The following UGT3A1 variants were observed in gnomAD, a reference collection of about 807,000 sequenced individuals.
The protein encoded by UGT3A1 is UDP glycosyltransferase family 3 member A1.
A neutral mutation model predicts 37.6 loss-of-function variants in UGT3A1; 40 were observed. That is an observed-to-expected ratio of 1.06 (90% CI 0.83 to 1.38). The LOEUF is 1.38. Among genes scored for constraint, UGT3A1 ranks in the 40% most tolerant of loss-of-function variants. The probability of loss-of-function intolerance (pLI) is 0.00; values close to 1 mark genes in which losing one functional copy is unlikely to be tolerated. For synonymous variants in UGT3A1, 256 were observed against 232.3 expected (o/e 1.10, Z -0.93); for missense variants, 642 against 634.2 (o/e 1.01, Z -0.13).
chr5:35,956,304 T>C (rs1176129169), intron 5 of UGT3A1, among the ~76,000 whole-genome samples: 1 of 152,256 alleles, frequency 6.6e-6, no homozygotes, highest in Non-Finnish European at 1.5e-5. Context: ...TTCTAGTTCC[T>C]GTCTGCCTGT....
At chr5:35,985,488 C>T (rs780272296) in intron 2 of UGT3A1, among the ~76,000 whole-genome samples, 32 of 152,066 alleles carry the variant, frequency 2.1e-4, no homozygotes, top group Non-Finnish European at 2.4e-4. Flanking sequence ...CAAATCAGCA[C>T]GGTACTGGCA....
At chr5:35,991,799 C>G (rs1309287779), upstream of UGT3A1, among the ~76,000 whole-genome samples, 1 of 152,190 alleles carries the variant, frequency 6.6e-6, no homozygotes, top group African/African-American at 2.4e-5. Context: ...GGAAACTGAT[C>G]TACCCTCTCT....
At chr5:35,977,016 AAG>A (rs993879322) in intron 2 of UGT3A1, among the ~76,000 whole-genome samples, 18 of 145,666 alleles carry the variant, frequency 1.2e-4, no homozygotes, top group African/African-American at 2.7e-4. Context: ...AAGAAAGAAA[AAG>A]AGAGAGAAAG....
intron 6 of UGT3A1, chr5:35,955,225 C>A: frequency 4.0e-6 from 1 of 252,848 alleles, no homozygotes. Flanking sequence ...GAGAAGAGAC[C>A]CAAATGTCAT....
At chr5:35,957,914 C>T (rs1044568199) in intron 4 of UGT3A1, among the ~76,000 whole-genome samples, 1 of 152,102 alleles carries the variant, frequency 6.6e-6, no homozygotes, top group Non-Finnish European at 1.5e-5. Context: ...CAAGATAACT[C>T]TTTCTTTATT....
At chr5:35,954,780 G>A (rs1293429788) in intron 6 of UGT3A1, 2 of 377,728 alleles carry the variant, frequency 5.3e-6, no homozygotes, top group African/African-American at 2.0e-5. Context: ...GTATACTAAA[G>A]GAAAAAATAT....
intron 2 of UGT3A1, among the ~76,000 whole-genome samples, chr5:35,971,236 G>A (rs1410226340): frequency 6.6e-6 from 1 of 151,918 alleles, no homozygotes; most frequent in Admixed American, 6.6e-5. Flanking sequence ...ACATACACAG[G>A]GTGCGCTTAT....
chr5:35,968,632 C>T (rs1467991875), intron 2 of UGT3A1, among the ~76,000 whole-genome samples: 1 of 151,896 alleles, frequency 6.6e-6, no homozygotes, highest in African/African-American at 2.4e-5. Context: ...AATGGTAGTC[C>T]CCTTCATTCT....
chr5:35,990,047 G>C (rs1047399990), intron 1 of UGT3A1, among the ~76,000 whole-genome samples: 4 of 151,180 alleles, frequency 2.6e-5, no homozygotes, highest in Non-Finnish European at 5.9e-5. Context: ...AGTTGAGATG[G>C]CGCCACTGCA....
At chr5:35,962,834 T>C (rs1409266456) in intron 4 of UGT3A1, 2 of 699,346 alleles carry the variant, frequency 2.9e-6, no homozygotes, top group Non-Finnish European at 5.2e-6. Context: ...TGGTTCAGGA[T>C]ACACAGGCTA....
chr5:35,968,160 G>A (rs1157940759), intron 2 of UGT3A1, 27 bp from the exon 3 acceptor site: 6 of 1,387,910 alleles, frequency 4.3e-6, no homozygotes, highest in African/African-American at 2.9e-5. Flanking sequence ...TGGTTAAAAA[G>A]GTAAATATAT....
Position 35,955,759 on chromosome 5 carries a change from T to C in UGT3A1, c.1181A>G (p.Gln394Arg). ...PMVGLPVNGD[Q>R]HGNMVRVVAK... ...TACTACTCGGACCATGTTTCCATGC[T>C]GGTCTCCATTGACTGGTAATCCCAC... is the stretch of plus-strand genomic sequence containing the variant. Residue 394 changes from glutamine to arginine, a missense_variant, in exon 6 of 7, where the codon CAG becomes CGG. Physicochemically the swap from Gln to Arg is conservative, Grantham distance 43. Coordinates refer to ENST00000274278, the MANE Select transcript of UGT3A1 (RefSeq NM_152404.4). 1.1e-5 allele frequency: 17 copies of C among 1,614,210 alleles called. No individual in the cohort carries two copies. The highest frequency in any genetic ancestry group is 1.4e-5 in the Non-Finnish European group (17 of 1,180,028).
upstream of UGT3A1, among the ~76,000 whole-genome samples, chr5:35,994,963 C>G (rs12522806): frequency 4.3e-3 from 649 of 152,148 alleles, 26 homozygotes; most frequent in Admixed American, 0.038. Context: ...TTTGATATGC[C>G]CAAATTAGTG....
At chr5:35,984,374 C>A (rs1256340832) in intron 2 of UGT3A1, among the ~76,000 whole-genome samples, 3 of 151,966 alleles carry the variant, frequency 2.0e-5, no homozygotes, top group Non-Finnish European at 4.4e-5. Flanking sequence ...CTGTATTGCT[C>A]GGTATTTAGC....
intron 1 of UGT3A1, among the ~76,000 whole-genome samples, chr5:35,998,262 A>T (rs1366674572): frequency 6.6e-6 from 1 of 152,212 alleles, no homozygotes; most frequent in Admixed American, 6.5e-5. Context: ...ACCCAGAAAC[A>T]TGGTGATTAT....
intron 4 of UGT3A1, chr5:35,961,855 TG>T (rs1260170588): frequency 6.6e-6 from 1 of 152,230 alleles, no homozygotes; most frequent in Admixed American, 6.5e-5. Flanking sequence ...TACGGGGGTA[TG>T]CTTTACCAAG....
rs903725108 is a variant in UGT3A1 at position 36,000,054 on chromosome 5, A to C, written c.-160+914T>G. The stretch of plus-strand genomic sequence containing the variant: ...ATATGTTAACATTTCCATTGTGTCT[A>C]CCATCCCTGGTCCTCAGGCCTGGTG... On this transcript the variant is annotated intron_variant, in intron 1 of 5. Transcript: ENST00000625798. Among the ~76,000 whole-genome samples the C allele has an allele frequency of 7.2e-5, 11 of 152,306 alleles. No individual in the cohort carries two copies. The East Asian group carries it at 2.1e-3, about 29-fold the overall frequency.
At chr5:35,964,025 G>C (rs972946051) in intron 4 of UGT3A1, among the ~76,000 whole-genome samples, 1 of 152,174 alleles carries the variant, frequency 6.6e-6, no homozygotes, top group African/African-American at 2.4e-5. Flanking sequence ...TTTGGAGACA[G>C]ATGGTAACGA....
At chr5:35,972,494 CGTGTGTGTGTGTGT>C (rs4024103) in intron 2 of UGT3A1, among the ~76,000 whole-genome samples, 5 of 141,446 alleles carry the variant, frequency 3.5e-5, no homozygotes, top group South Asian at 4.8e-4. Context: ...CCTTGAAATA[CGTGTGTGTGTGTGT>C]GTGTGTGTGT....
Sources: gnomAD v4.1 joint callset for allele counts (sites outside exome capture counted in the v4.1 genomes callset) on GRCh38, gnomAD v4.1.1 for gene constraint, MANE v1.5 for transcripts, NCBI Gene and HGNC (gene_info 2026-07-23, HGNC 2026-07-21) for gene names.